The following ARHGEF10L variants were observed in gnomAD, a reference collection of about 807,000 sequenced individuals.
ARHGEF10L encodes the protein Rho guanine nucleotide exchange factor 10 like, also known as rho guanine nucleotide exchange factor 10-like protein.
Under a neutral mutation model 141.2 loss-of-function variants are expected in ARHGEF10L, and 69 were observed. The ratio of observed to expected loss-of-function variants is 0.49; its 90% confidence interval spans 0.40 to 0.60. ARHGEF10L has a LOEUF of 0.60. ARHGEF10L is among the 20% of genes least tolerant of loss of function. ARHGEF10L has a pLI of 0.00. For synonymous variants in ARHGEF10L, 711 were observed against 718.5 expected (o/e 0.99, Z 0.17); for missense variants, 1,482 against 1,734.3 (o/e 0.85, Z 2.58).
At position 17,573,097 on chromosome 1, in the gene ARHGEF10L, T is replaced by C. The variant is rs368295149; in HGVS notation, c.-43-7456T>C. 3.3e-5 allele frequency among the ~76,000 whole-genome samples: 5 copies of C among 152,148 alleles called. No homozygotes were observed. The highest frequency in any genetic ancestry group is 2.1e-4 in the South Asian group (1 of 4,830). ...ACCTGCTGGGTTGCAGGGACGCACA[T>C]GGACCTCCCTTTCCCTGCCTGCCTC... On this transcript the variant is annotated intron_variant, in intron 1 of 28. Coordinates refer to ENST00000361221, the MANE Select transcript of ARHGEF10L (RefSeq NM_018125.4). The surrounding 1 kb of genome is among the most constrained non-coding windows in gnomAD (Gnocchi z 4.8).
chr1:17,522,788 C>T, the ARHGEF10L span, among the ~76,000 whole-genome samples: 1 of 151,884 alleles, frequency 6.6e-6, no homozygotes, highest in African/African-American at 2.4e-5. Flanking sequence ...CATTCACATC[C>T]CTCCCCCCTG....
rs556424280 is a variant in ARHGEF10L at position 17,613,263 on chromosome 1, C to T, written c.726+89C>T. ...GGGTTTTCCTGCTGCCCTGGTACCA[C>T]GAAGCCTACCAGGCCCACCCTTGAG... On this transcript the variant is annotated intron_variant, in intron 8 of 28. Coordinates refer to ENST00000361221, the MANE Select transcript of ARHGEF10L (RefSeq NM_018125.4). 2.1e-5 allele frequency: 23 copies of T among 1,111,324 alleles called. 1 individual carries two copies. Among genetic ancestry groups the T allele is most frequent in the South Asian group, 1.1e-4 (8 of 70,466 alleles). The allele number at this position is 1,111,324 out of a possible 1,614,324, so 68.8% of individuals were successfully genotyped here. A position where few individuals can be genotyped will look rare whatever the true frequency, so the allele number is the denominator to read the frequency against.
chr1:17,534,591 ATT>A, the ARHGEF10L span, among the ~76,000 whole-genome samples: 8 of 125,066 alleles, frequency 6.4e-5, no homozygotes, highest in South Asian at 2.6e-4. Flanking sequence ...CCATTTTCTG[ATT>A]TTTTTTTTTT....
At chr1:17,672,796 G>C (rs2063405078) in intron 26 of ARHGEF10L, among the ~76,000 whole-genome samples, 1 of 152,100 alleles carries the variant, frequency 6.6e-6, no homozygotes, top group Non-Finnish European at 1.5e-5. Flanking sequence ...GTGAGGCATG[G>C]GAGGTAGGGG....
At chr1:17,675,939 C>T (rs532882619) in intron 26 of ARHGEF10L, among the ~76,000 whole-genome samples, 2 of 118,468 alleles carry the variant, frequency 1.7e-5, no homozygotes, top group South Asian at 5.8e-4. Flanking sequence ...TGTGTGCAGT[C>T]ATGGGTACAG....
At chr1:17,594,045 C>G (rs2079844366) in intron 4 of ARHGEF10L, among the ~76,000 whole-genome samples, 1 of 151,180 alleles carries the variant, frequency 6.6e-6, no homozygotes, top group African/African-American at 2.4e-5. Context: ...CACCCAGCAC[C>G]TCTTTACTGA....
At chr1:17,632,910 G>T (rs1272802028) in intron 16 of ARHGEF10L, among the ~76,000 whole-genome samples, 3 of 152,224 alleles carry the variant, frequency 2.0e-5, no homozygotes, top group Non-Finnish European at 2.9e-5. Flanking sequence ...GCCCAGAGGA[G>T]CCTGGTTTGC....
chr1:17,644,685 G>T lies in ARHGEF10L; in HGVS notation c.2273-3869G>T, dbSNP rs2061492867. On this transcript the variant is annotated intron_variant, in intron 21 of 28. Coordinates refer to ENST00000361221, the MANE Select transcript of ARHGEF10L (RefSeq NM_018125.4). The surrounding 1 kb of genome is among the most constrained non-coding windows in gnomAD (Gnocchi z 4.5). ...GGGAAGTTCGGGAAGAGCAGTAAAGGCACGATACTGGGACTGAGCCCAGTA... is the reference window on the plus strand; with the variant it reads ...GGGAAGTTCGGGAAGAGCAGTAAAGTCACGATACTGGGACTGAGCCCAGTA... 6.6e-6 allele frequency among the ~76,000 whole-genome samples: 1 copy of T among 152,144 alleles called. No individual in the cohort carries two copies. Among genetic ancestry groups the T allele is most frequent in the East Asian group, 1.9e-4 (1 of 5,186 alleles).
intron 1 of ARHGEF10L, among the ~76,000 whole-genome samples, chr1:17,571,170 C>T (rs1204154310): frequency 6.6e-6 from 1 of 152,012 alleles, no homozygotes; most frequent in Non-Finnish European, 1.5e-5. Context: ...GTAGCCTGAA[C>T]CTGGGAACTG....
At chr1:17,612,482 C>G (rs997106142) in intron 7 of ARHGEF10L, among the ~76,000 whole-genome samples, 1 of 152,198 alleles carries the variant, frequency 6.6e-6, no homozygotes, top group Non-Finnish European at 1.5e-5. Flanking sequence ...ATTCATCCAT[C>G]CATCCCTCTA....
chr1:17,620,925 G>A (rs1044772819), intron 10 of ARHGEF10L, among the ~76,000 whole-genome samples: 1 of 152,198 alleles, frequency 6.6e-6, no homozygotes, highest in Admixed American at 6.5e-5. Flanking sequence ...AAGGTCTGGG[G>A]TGGGAGCCAG....
intron 21 of ARHGEF10L, among the ~76,000 whole-genome samples, 166 bp downstream of exon 21, chr1:17,640,468 A>C (rs561021104): frequency 6.6e-6 from 1 of 152,164 alleles, no homozygotes; most frequent in Admixed American, 6.5e-5. Context: ...CCAGAGCCGG[A>C]GGCTCTGCTT....
chr1:17,637,390 C>G (rs1571149412), intron 18 of ARHGEF10L, among the ~76,000 whole-genome samples: 1 of 152,210 alleles, frequency 6.6e-6, no homozygotes, highest in African/African-American at 2.4e-5. Flanking sequence ...TTTGTACAGA[C>G]TGACTATGGC....
intron 26 of ARHGEF10L, among the ~76,000 whole-genome samples, chr1:17,670,739 C>T (rs1328670104): frequency 2.6e-5 from 4 of 152,226 alleles, no homozygotes; most frequent in Non-Finnish European, 2.9e-5. Flanking sequence ...ATCTCCGCAA[C>T]GCTGAGGAGT....
rs546787199 is a variant in ARHGEF10L at position 17,644,306 on chromosome 1, C to T, written c.2272+4004C>T. 1.3e-5 allele frequency among the ~76,000 whole-genome samples: 2 copies of T among 152,378 alleles called. No individual in the cohort carries two copies. Among genetic ancestry groups the T allele is most frequent in the South Asian group, 4.1e-4 (2 of 4,834 alleles). ...CAGCTGTTGGGTCCTGAGCACAGCC[C>T]TGGCAGAGTGTGAAGTGTGTTCTAG... On this transcript the variant is annotated intron_variant, in intron 21 of 28. Transcript: ENST00000361221. The surrounding 1 kb of genome is among the most constrained non-coding windows in gnomAD (Gnocchi z 4.5).
At chr1:17,523,980 T>C in the ARHGEF10L span, among the ~76,000 whole-genome samples, 7 of 152,172 alleles carry the variant, frequency 4.6e-5, no homozygotes, top group Non-Finnish European at 7.3e-5. Context: ...ATCATAAGAA[T>C]GAACTTGGAC....
At chr1:17,592,926 C>T (rs1332376797) in intron 4 of ARHGEF10L, among the ~76,000 whole-genome samples, 1 of 152,122 alleles carries the variant, frequency 6.6e-6, no homozygotes, top group Admixed American at 6.5e-5. Flanking sequence ...AAAAATCTTT[C>T]TTTAAAGGTC....
chr1:17,545,250 T>A (rs1171474332), intron 1 of ARHGEF10L, among the ~76,000 whole-genome samples: 1 of 152,140 alleles, frequency 6.6e-6, no homozygotes, highest in Admixed American at 6.5e-5. Context: ...CAGAATCTTT[T>A]CCCCTGAAGA....
At chr1:17,658,551 G>A (rs1417236882) in intron 25 of ARHGEF10L, among the ~76,000 whole-genome samples, 3 of 152,154 alleles carry the variant, frequency 2.0e-5, no homozygotes, top group Admixed American at 1.3e-4. Context: ...CAGGTAGAGT[G>A]GAGGACATGG....
Sources: allele counts gnomAD v4.1 joint callset (sites outside exome capture counted in the v4.1 genomes callset), GRCh38; gene constraint gnomAD v4.1.1; non-coding constraint Gnocchi (gnomAD v3.1); transcripts MANE v1.5; gene names NCBI Gene and HGNC (gene_info 2026-07-23, HGNC 2026-07-21).